The following CADPS variants were observed in gnomAD, a reference collection of about 807,000 sequenced individuals.
CADPS encodes the protein calcium-dependent secretion activator 1.
Under a neutral mutation model 167.3 loss-of-function variants are expected in CADPS, and 57 were observed. The ratio of observed to expected loss-of-function variants is 0.34; its 90% CI spans 0.28 to 0.42. The LOEUF (loss-of-function observed/expected upper bound fraction) is 0.42, where lower values mean the gene tolerates loss of function less well. Ranked by LOEUF, CADPS falls within the 20% of genes least tolerant of loss-of-function variation. The pLI is 1.00. For missense variants in CADPS, 1,414 were observed against 1,738.1 expected (o/e 0.81, Z 3.32); for synonymous variants, 676 against 635.3 (o/e 1.06, Z -0.96).
chr3:62,846,160 C>G (rs577126624), intron 1 of CADPS, among the ~76,000 whole-genome samples: 1 of 152,172 alleles, frequency 6.6e-6, no homozygotes, highest in South Asian at 2.1e-4. Flanking sequence ...GCCTCCCCAG[C>G]CTTGCCTCCT....
In CADPS at chr3:62,549,932, G is replaced by T. The variant is rs755744968; in HGVS notation, c.1937C>A (p.Pro646His). ...QKLNAKGGNVPQLDAPISQFY... is the reference protein window; with the variant it reads ...QKLNAKGGNVHQLDAPISQFY... ...TTGAGAGATAGGGGCATCCAGCTGA[G>T]GTACATTTCCTCCCTTGGCGTTGAG... The change falls in exon 11 of 30, where the codon CCT becomes CAT. Residue 646 changes from proline to histidine, a missense_variant. Transcript: ENST00000383710. The T allele has an allele frequency of 8.1e-6, 13 of 1,613,924 alleles. No individual in the cohort carries two copies. In the Admixed American group the frequency reaches 2.2e-4, roughly 27 times the overall value.
At chr3:62,740,426 T>A (rs946155315) in intron 3 of CADPS, among the ~76,000 whole-genome samples, 1 of 152,190 alleles carries the variant, frequency 6.6e-6, no homozygotes, top group Non-Finnish European at 1.5e-5. Context: ...TTAATTTTAA[T>A]ACACAGTAGC....
chr3:62,849,864 C>T (rs2078202915), intron 1 of CADPS, among the ~76,000 whole-genome samples: 1 of 88,456 alleles, frequency 1.1e-5, no homozygotes, highest in Non-Finnish European at 2.4e-5. Flanking sequence ...ACCAGTTCCT[C>T]CTTGTACCTC....
intron 1 of CADPS, among the ~76,000 whole-genome samples, chr3:62,870,039 G>A (rs753000530): frequency 6.6e-5 from 10 of 152,062 alleles, no homozygotes; most frequent in Non-Finnish European, 1.2e-4. Flanking sequence ...CTATGCTAGG[G>A]GTGTAATGAG....
chr3:62,454,665 T>C (rs1223467726), intron 26 of CADPS, among the ~76,000 whole-genome samples: 3 of 152,104 alleles, frequency 2.0e-5, no homozygotes, highest in African/African-American at 4.8e-5. Flanking sequence ...ACTGTAACCA[T>C]CAAGGATAAT....
chr3:62,434,389 G>A (rs947902285), intron 28 of CADPS, among the ~76,000 whole-genome samples: 4 of 151,912 alleles, frequency 2.6e-5, no homozygotes, highest in African/African-American at 9.7e-5. Flanking sequence ...TCTTAGGTGC[G>A]TTATCAAAAA....
chr3:62,434,919 C>T (rs969302555), intron 28 of CADPS, among the ~76,000 whole-genome samples: 3 of 152,120 alleles, frequency 2.0e-5, no homozygotes, highest in African/African-American at 7.2e-5. Context: ...ACTTGAAACA[C>T]AGTTAAAAAC....
intron 13 of CADPS, chr3:62,530,817 G>C (rs984003040): frequency 1.6e-6 from 2 of 1,265,510 alleles, no homozygotes; most frequent in Admixed American, 5.0e-5. Context: ...TGTTGACTTT[G>C]GAGAGGGGGT....
intron 1 of CADPS, among the ~76,000 whole-genome samples, chr3:62,800,800 A>T (rs1228212463): frequency 6.6e-6 from 1 of 152,164 alleles, no homozygotes; most frequent in African/African-American, 2.4e-5. Flanking sequence ...AACAACAACA[A>T]AAAGATTAAA....
intron 3 of CADPS, among the ~76,000 whole-genome samples, chr3:62,722,925 C>T (rs778503074): frequency 1.3e-5 from 2 of 152,206 alleles, no homozygotes; most frequent in Non-Finnish European, 2.9e-5. Flanking sequence ...ACCCCCTTAC[C>T]CCCAGCTGAA....
chr3:62,835,308 G>A (rs2075737028), intron 1 of CADPS, among the ~76,000 whole-genome samples: 1 of 152,148 alleles, frequency 6.6e-6, no homozygotes, highest in African/African-American at 2.4e-5. Flanking sequence ...GGGAACAACA[G>A]GGAGATTGGT....
chr3:62,400,419 AT>A (rs369166539), intron 29 of CADPS, among the ~76,000 whole-genome samples: 68 of 149,064 alleles, frequency 4.6e-4, no homozygotes, highest in African/African-American at 1.4e-3. Flanking sequence ...CTACTTTGTA[AT>A]TTTTTTTTTG....
Position 62,518,257 on chromosome 3 carries a change from G to A in CADPS, c.2292-7C>T, listed in dbSNP as rs1244095518. 2 of 1,603,576 alleles carry A rather than the reference G, an allele frequency of 1.2e-6. No homozygotes were observed. Among genetic ancestry groups the A allele is most frequent in the Non-Finnish European group, 1.7e-6 (2 of 1,172,374 alleles). ...AGTTCCAATTCCATCAGGCCTGAAA[G>A]AAGACATGTCATGAAATGACGGGAA... is the stretch of plus-strand genomic sequence containing the variant. On this transcript the variant is annotated splice_polypyrimidine_tract_variant and splice_region_variant and intron_variant, in intron 13 of 29. Coordinates refer to ENST00000383710, the MANE Select transcript of CADPS (RefSeq NM_003716.4).
intron 15 of CADPS, 25 bp from the exon 16 acceptor site, chr3:62,516,207 A>T (rs375383481): frequency 1.9e-6 from 3 of 1,612,266 alleles, no homozygotes; most frequent in Non-Finnish European, 2.5e-6. Context: ...AAGAGGGATT[A>T]TTAAGAAGGT....
chr3:62,624,486 G>T (rs988016738), intron 6 of CADPS, among the ~76,000 whole-genome samples: 1 of 151,724 alleles, frequency 6.6e-6, no homozygotes, highest in Non-Finnish European at 1.5e-5. Context: ...ACTAGGGCTG[G>T]TAATATATTT....
At position 62,737,652 on chromosome 3, in the gene CADPS, C is replaced by T. The variant is rs556970029; in HGVS notation, c.888+15789G>A. Among the ~76,000 whole-genome samples the T allele has an allele frequency of 3.9e-5, 6 of 152,244 alleles. No homozygotes were observed. The South Asian group carries it at 1.2e-3, about 32-fold the overall frequency. On this transcript the variant is annotated intron_variant, in intron 3 of 29. Transcript: ENST00000383710. ...AGCTCTGAGGTATGGCCTAAGATAG[C>T]CCAGCCTTCTGAATGTACTTCCTTT...
At chr3:62,543,389 C>T (rs147887496) in intron 11 of CADPS, among the ~76,000 whole-genome samples, 362 of 152,244 alleles carry the variant, frequency 2.4e-3, no homozygotes, top group African/African-American at 8.0e-3. Context: ...TGTGCAAATA[C>T]ATGTAAACTT....
chr3:62,548,550 C>T (rs1276378364), intron 11 of CADPS, among the ~76,000 whole-genome samples: 1 of 152,164 alleles, frequency 6.6e-6, no homozygotes, highest in African/African-American at 2.4e-5. Flanking sequence ...AAGGGTGTTG[C>T]AAGGTGTAAG....
intron 3 of CADPS, among the ~76,000 whole-genome samples, chr3:62,727,462 T>C (rs938357056): frequency 1.3e-5 from 2 of 151,832 alleles, no homozygotes; most frequent in Non-Finnish European, 2.9e-5. Flanking sequence ...ACAGGCCCAA[T>C]ACCCACCTTT....
Sources: allele counts gnomAD v4.1 joint callset (sites outside exome capture counted in the v4.1 genomes callset), GRCh38; gene constraint gnomAD v4.1.1; transcripts MANE v1.5; gene names NCBI Gene and HGNC (gene_info 2026-07-23, HGNC 2026-07-21).